TMEM260: variants seen among roughly 807,000 people sequenced by gnomAD.
TMEM260 encodes the protein transmembrane protein 260.
A neutral mutation model predicts 88.9 loss-of-function variants in TMEM260; 82 were observed. The ratio of observed to expected loss-of-function variants is 0.92; its 90% CI spans 0.77 to 1.11. The LOEUF (loss-of-function observed/expected upper bound fraction) is 1.11. TMEM260 is among the 50% of genes least tolerant of loss of function. The pLI, the probability that TMEM260 is intolerant of heterozygous loss-of-function variation, is 0.00. For missense variants in TMEM260, 902 were observed against 853.4 expected (o/e 1.06, Z -0.71); for synonymous variants, 314 against 309.3 (o/e 1.02, Z -0.16).
At chr14:56,639,210 C>T (rs1052357225) in intron 15 of TMEM260, among the ~76,000 whole-genome samples, 1 of 152,062 alleles carries the variant, frequency 6.6e-6, no homozygotes, top group Non-Finnish European at 1.5e-5. Context: ...ACAGAATGAA[C>T]ACAATCTAGT....
chr14:56,610,407 A>T (rs1223272724), intron 6 of TMEM260, among the ~76,000 whole-genome samples: 2 of 151,348 alleles, frequency 1.3e-5, no homozygotes, highest in Non-Finnish European at 2.9e-5. Context: ...CACCTGGCTA[A>T]TTTTTTTTGT....
At chr14:56,628,256 T>C (rs937661941) in intron 12 of TMEM260, among the ~76,000 whole-genome samples, 1 of 152,074 alleles carries the variant, frequency 6.6e-6, no homozygotes. Context: ...CTGCATAGGG[T>C]TGGGATTGAG....
intron 4 of TMEM260, 116 bp downstream of exon 4, chr14:56,604,108 C>T (rs1886746504): frequency 2.0e-6 from 2 of 990,856 alleles, no homozygotes; most frequent in South Asian, 4.3e-5. Flanking sequence ...TCGGGATAAT[C>T]TAGCATGCTG....
intron 3 of TMEM260, among the ~76,000 whole-genome samples, chr14:56,595,400 A>G (rs1418834860): frequency 6.6e-6 from 1 of 152,200 alleles, no homozygotes; most frequent in Non-Finnish European, 1.5e-5. Flanking sequence ...AAATTTCACA[A>G]AAGTTTGAGA....
intron 15 of TMEM260, among the ~76,000 whole-genome samples, chr14:56,644,376 C>T (rs1217358999): frequency 1.3e-5 from 2 of 152,134 alleles, no homozygotes; most frequent in African/African-American, 4.8e-5. Flanking sequence ...TGATCTTTGA[C>T]AAACCTGACA....
At chr14:56,601,307 T>C (rs1886561418) in intron 3 of TMEM260, among the ~76,000 whole-genome samples, 1 of 152,278 alleles carries the variant, frequency 6.6e-6, no homozygotes, top group African/African-American at 2.4e-5. Flanking sequence ...TCCTGAGGAT[T>C]CATTTATATC....
At chr14:56,580,543 G>A (rs368390958) in intron 1 of TMEM260, among the ~76,000 whole-genome samples, 1 of 152,286 alleles carries the variant, frequency 6.6e-6, no homozygotes, top group East Asian at 1.9e-4. Context: ...CAGTAGGAGG[G>A]AAATATGATT....
At position 56,604,136 on chromosome 14, in the gene TMEM260, A is replaced by G. The variant is rs531233893; in HGVS notation, c.522+144A>G. 3.8e-6 allele frequency: 3 copies of G among 794,844 alleles called. No homozygotes were observed. The South Asian group carries it at 8.5e-5, about 22-fold the overall frequency. 49.2% of individuals were successfully genotyped at this position (794,844 alleles called of 1,614,324 possible). ...GCATGCTGAGAGAGAAAATGATCTC[A>G]GTCTTTTTTATTATGGATGGAACCA... On this transcript the variant is annotated intron_variant, in intron 4 of 15. Coordinates refer to ENST00000261556, the MANE Select transcript of TMEM260 (RefSeq NM_017799.4).
At chr14:56,619,835 T>C (rs1279594997) in intron 10 of TMEM260, among the ~76,000 whole-genome samples, 1 of 152,180 alleles carries the variant, frequency 6.6e-6, no homozygotes, top group Non-Finnish European at 1.5e-5. Context: ...GACACATGCA[T>C]GCGAATGTTT....
intron 15 of TMEM260, among the ~76,000 whole-genome samples, chr14:56,641,339 G>A (rs1889576589): frequency 6.6e-6 from 1 of 152,036 alleles, no homozygotes; most frequent in Admixed American, 6.5e-5. Context: ...CTACAAGCCA[G>A]AAGAGGGTGG....
intron 15 of TMEM260, among the ~76,000 whole-genome samples, chr14:56,639,070 T>C (rs1889358117): frequency 6.6e-6 from 1 of 152,192 alleles, no homozygotes; most frequent in Non-Finnish European, 1.5e-5. Flanking sequence ...AGGTGGGTCA[T>C]GAATGAGCCT....
chr14:56,640,929 A>G (rs1259822864), intron 15 of TMEM260, among the ~76,000 whole-genome samples: 1 of 151,898 alleles, frequency 6.6e-6, no homozygotes, highest in African/African-American at 2.4e-5. Context: ...AAATGCAGCG[A>G]GAAGTTTAGA....
chr14:56,614,295 G>C (rs144756318), intron 7 of TMEM260, among the ~76,000 whole-genome samples: 2 of 150,106 alleles, frequency 1.3e-5, no homozygotes, highest in African/African-American at 4.9e-5. Flanking sequence ...TGAGAGGATC[G>C]CTTGAGCCCA....
intron 5 of TMEM260, among the ~76,000 whole-genome samples, chr14:56,608,418 CTT>C (rs1466188724): frequency 2.0e-5 from 3 of 152,062 alleles, no homozygotes; most frequent in African/African-American, 7.2e-5. Context: ...ATTTATAAAA[CTT>C]TGTCGATATT....
chr14:56,621,770 CTTTTTTAAAATGGTGGACGGGTACAGT>C, intron 11 of TMEM260, 68 bp downstream of exon 11: 1 of 1,384,104 alleles, frequency 7.2e-7, no homozygotes, highest in Non-Finnish European at 9.8e-7. Context: ...GAAAAAACAT[CTTTTTTAAAATGGTGGACGGGTACAGT>C]TTTCATGATC....
At chr14:56,657,852 C>CCCCA in the TMEM260 span, among the ~76,000 whole-genome samples, 1 of 152,168 alleles carries the variant, frequency 6.6e-6, no homozygotes, top group Non-Finnish European at 1.5e-5. Context: ...GCACATCTCT[C>CCCCA]CCCACCTTCT....
chr14:56,601,588 T>C (rs1886579668), intron 3 of TMEM260, among the ~76,000 whole-genome samples: 1 of 152,158 alleles, frequency 6.6e-6, no homozygotes, highest in Non-Finnish European at 1.5e-5. Context: ...CCCACTAGTT[T>C]TGGTATTCAT....
At chr14:56,630,421 T>G (rs191024668) in intron 12 of TMEM260, among the ~76,000 whole-genome samples, 1 of 152,274 alleles carries the variant, frequency 6.6e-6, no homozygotes, top group Admixed American at 6.5e-5. Context: ...CACAGATGCC[T>G]GAACTCTTTG....
At chr14:56,584,767 A>G (rs1418025727) in intron 1 of TMEM260, among the ~76,000 whole-genome samples, 1 of 152,196 alleles carries the variant, frequency 6.6e-6, no homozygotes, top group Admixed American at 6.5e-5. Context: ...AAAGACCAGA[A>G]TGTACCTATA....
Sources: gnomAD v4.1 joint callset for allele counts (sites outside exome capture counted in the v4.1 genomes callset) on GRCh38, gnomAD v4.1.1 for gene constraint, MANE v1.5 for transcripts, NCBI Gene and HGNC (gene_info 2026-07-23, HGNC 2026-07-21) for gene names.